Variants in TBL1XR1 observed in about 807,000 individuals in gnomAD.
The protein encoded by TBL1XR1 is F-box-like/WD repeat-containing protein TBL1XR1.
A neutral mutation model predicts 66.9 loss-of-function variants in TBL1XR1; 5 were observed. That is an observed-to-expected ratio of 0.07 (90% CI 0.04 to 0.16). The LOEUF (loss-of-function observed/expected upper bound fraction) is 0.16, where lower values mean the gene tolerates loss of function less well. Ranked by LOEUF, TBL1XR1 falls within the 10% of genes least tolerant of loss-of-function variation. TBL1XR1 has a pLI of 1.00. For missense variants in TBL1XR1, 238 were observed against 623.2 expected (o/e 0.38, Z 6.58); for synonymous variants, 210 against 206.0 (o/e 1.02, Z -0.17).
At chr3:177,186,294 T>A (rs146781240) in intron 1 of TBL1XR1, among the ~76,000 whole-genome samples, 1 of 152,340 alleles carries the variant, frequency 6.6e-6, no homozygotes, top group African/African-American at 2.4e-5. Flanking sequence ...ATCTTAAGCA[T>A]GTATATTACA....
chr3:177,168,375 G>A (rs1382713382), intron 1 of TBL1XR1, among the ~76,000 whole-genome samples: 2 of 150,796 alleles, frequency 1.3e-5, no homozygotes, highest in African/African-American at 2.4e-5. Flanking sequence ...TCCGCCTCCC[G>A]CATTCAAGCG....
chr3:177,047,042 A>G (rs954001668), intron 9 of TBL1XR1, among the ~76,000 whole-genome samples: 1 of 152,214 alleles, frequency 6.6e-6, no homozygotes. Context: ...AAGGGAAGCA[A>G]AAAGTGCAGG....
intron 2 of TBL1XR1, among the ~76,000 whole-genome samples, chr3:177,071,462 G>C (rs888889932): frequency 1.3e-5 from 2 of 152,112 alleles, no homozygotes; most frequent in African/African-American, 4.8e-5. Context: ...ACTCAGACTA[G>C]TAAGTAAATC....
chr3:177,032,773 A>G (rs1378343854), intron 14 of TBL1XR1, 198 bp downstream of exon 14: 2 of 421,278 alleles, frequency 4.7e-6, no homozygotes, highest in Non-Finnish European at 8.2e-6. Context: ...ATAAATAATA[A>G]AACAAATGAT....
At position 177,088,162 on chromosome 3, in the gene TBL1XR1, A is replaced by G. The variant is rs182366046; in HGVS notation, c.-46+10304T>C. On this transcript the variant is annotated intron_variant, in intron 2 of 15. Coordinates refer to ENST00000457928, the MANE Select transcript of TBL1XR1 (RefSeq NM_024665.7). The stretch of plus-strand genomic sequence containing the variant: ...TTTAAAATGAAAATAGTAATTCACC[A>G]TAACAAGTTCTATCACAGTTAATAT... Among the ~76,000 whole-genome samples the G allele has an allele frequency of 1.7e-3, 266 of 152,336 alleles. 1 individual carries two copies. Among genetic ancestry groups the G allele is most frequent in the African/African-American group, 6.3e-3 (260 of 41,572 alleles).
intron 1 of TBL1XR1, among the ~76,000 whole-genome samples, chr3:177,193,224 G>T (rs1291268788): frequency 1.3e-5 from 2 of 151,696 alleles, no homozygotes; most frequent in Non-Finnish European, 2.9e-5. Context: ...CAACATCACA[G>T]CTAGTAAAGG....
At chr3:177,145,302 T>C (rs963727766) in intron 1 of TBL1XR1, among the ~76,000 whole-genome samples, 1 of 152,258 alleles carries the variant, frequency 6.6e-6, no homozygotes, top group African/African-American at 2.4e-5. Context: ...GTACTATTTA[T>C]GGCTGCTTTA....
At chr3:177,066,027 G>A (rs765453008) in intron 2 of TBL1XR1, among the ~76,000 whole-genome samples, 7 of 152,142 alleles carry the variant, frequency 4.6e-5, no homozygotes, top group Non-Finnish European at 1.0e-4. Context: ...TTGGTCCACA[G>A]AGTGTAGTTT....
At chr3:177,187,953 T>C (rs1190805566) in intron 1 of TBL1XR1, among the ~76,000 whole-genome samples, 5 of 141,870 alleles carry the variant, frequency 3.5e-5, no homozygotes, top group Non-Finnish European at 7.6e-5. Context: ...CTTTTTTTTT[T>C]TTTTTTTTTT....
At chr3:177,089,722 A>T (rs1241979501) in intron 2 of TBL1XR1, among the ~76,000 whole-genome samples, 1 of 152,206 alleles carries the variant, frequency 6.6e-6, no homozygotes, top group African/African-American at 2.4e-5. Flanking sequence ...ATGACTATAC[A>T]AACAGAACAA....
chr3:177,190,133 CAAAAAAAAAAAAAA>C (rs548783302), intron 1 of TBL1XR1, among the ~76,000 whole-genome samples: 36 of 69,412 alleles, frequency 5.2e-4, no homozygotes, highest in East Asian at 2.5e-3. Flanking sequence ...AACTCCATCT[CAAAAAAAAAAAAAA>C]AAAAAAAAAA....
upstream of TBL1XR1, among the ~76,000 whole-genome samples, chr3:177,198,400 A>G (rs1249962298): frequency 2.6e-5 from 4 of 152,246 alleles, no homozygotes; most frequent in Non-Finnish European, 1.5e-5. Context: ...TTTACTAAAT[A>G]TATACCTGCA....
intron 1 of TBL1XR1, among the ~76,000 whole-genome samples, chr3:177,186,941 C>A (rs542317779): frequency 4.5e-4 from 69 of 151,860 alleles, no homozygotes; most frequent in African/African-American, 1.6e-3. Context: ...CCGAGGCGGG[C>A]GGATCACAAG....
intron 1 of TBL1XR1, among the ~76,000 whole-genome samples, chr3:177,146,413 A>C (rs1730248675): frequency 6.6e-6 from 1 of 151,494 alleles, no homozygotes; most frequent in Admixed American, 6.6e-5. Context: ...CAGGCTCCCG[A>C]GTAGCTGGGA....
At chr3:177,053,175 A>T (rs976429319) in intron 4 of TBL1XR1, among the ~76,000 whole-genome samples, 7 of 152,196 alleles carry the variant, frequency 4.6e-5, no homozygotes, top group Non-Finnish European at 1.0e-4. Flanking sequence ...TTTTTCTGTA[A>T]AAGAGTAGAC....
chr3:177,085,444 TAC>T (rs1248869589), intron 2 of TBL1XR1, among the ~76,000 whole-genome samples: 2 of 152,152 alleles, frequency 1.3e-5, no homozygotes, highest in African/African-American at 4.8e-5. Context: ...CCAGGAATGG[TAC>T]AGATGAAGAA....
chr3:177,136,349 C>G (rs1728997694), intron 1 of TBL1XR1: 1 of 152,098 alleles, frequency 6.6e-6, no homozygotes, highest in African/African-American at 2.4e-5. Context: ...TCTCGGCTCA[C>G]TGCAACCTCC....
chr3:177,118,496 TG>T (rs1478557512), intron 1 of TBL1XR1, among the ~76,000 whole-genome samples: 6 of 152,096 alleles, frequency 3.9e-5, no homozygotes, highest in African/African-American at 1.4e-4. Flanking sequence ...ACCCTTTCAC[TG>T]ATCAAAACAA....
Position 177,166,535 on chromosome 3 carries a change from T to G in TBL1XR1, c.-122+30586A>C, listed in dbSNP as rs1043159917. The stretch of plus-strand genomic sequence containing the variant: ...TTCCCCCATGCTGTTCTGATAATAG[T>G]GAGTTCTCTGATGGTTTTATATGGG... On this transcript the variant is annotated intron_variant, in intron 1 of 15. Transcript: ENST00000457928. 3.9e-5 allele frequency among the ~76,000 whole-genome samples: 6 copies of G among 152,286 alleles called. No individual in the cohort carries two copies. The East Asian group carries it at 1.2e-3, about 29-fold the overall frequency.
Sources: gnomAD v4.1 joint callset for allele counts (sites outside exome capture counted in the v4.1 genomes callset) on GRCh38, gnomAD v4.1.1 for gene constraint, MANE v1.5 for transcripts, NCBI Gene and HGNC (gene_info 2026-07-23, HGNC 2026-07-21) for gene names.